The following STIMATE variants were observed in gnomAD, a reference collection of about 807,000 sequenced individuals.
STIMATE encodes STIM activating enhancer.
Under a neutral mutation model 36.7 loss-of-function variants are expected in STIMATE, and 15 were observed. That is an observed-to-expected ratio of 0.41 (90% CI 0.27 to 0.63). The LOEUF (loss-of-function observed/expected upper bound fraction) is 0.63. Among genes scored for constraint, STIMATE ranks in the 20% least tolerant of loss-of-function variants. STIMATE has a pLI of 0.32. For missense variants in STIMATE, 305 were observed against 397.3 expected (o/e 0.77, Z 1.98); for synonymous variants, 163 against 162.3 (o/e 1.00, Z -0.03).
intron 1 of STIMATE, among the ~76,000 whole-genome samples, chr3:52,888,393 G>C (rs1701728170): frequency 6.6e-6 from 1 of 152,180 alleles, no homozygotes; most frequent in African/African-American, 2.4e-5. Flanking sequence ...TGAGTGCAGA[G>C]AGCCCTGCTC....
At position 52,856,361 on chromosome 3, in the gene STIMATE, A is replaced by G. The variant is rs187957552; in HGVS notation, c.161-917T>C. Among the ~76,000 whole-genome samples, 266 of 152,308 alleles carry G rather than the reference A, an allele frequency of 1.7e-3. 2 individuals carry two copies. The highest frequency in any genetic ancestry group is 2.9e-3 in the Non-Finnish European group (194 of 68,032). ...AGGGAAGAGTTCTAAGCAAAGTCAAAGACATGTTGGGACTAAGTTTTAGAA... is the reference window on the plus strand; with the variant it reads ...AGGGAAGAGTTCTAAGCAAAGTCAAGGACATGTTGGGACTAAGTTTTAGAA... On this transcript the variant is annotated intron_variant, in intron 1 of 7. Transcript: ENST00000355083.
chr3:52,866,458 C>T (rs1450422615), intron 1 of STIMATE, among the ~76,000 whole-genome samples: 1 of 152,218 alleles, frequency 6.6e-6, no homozygotes, highest in African/African-American at 2.4e-5. Context: ...CCCTCCTTTT[C>T]CCCATGCTCA....
At chr3:52,860,106 G>A (rs1701192219) in intron 1 of STIMATE, among the ~76,000 whole-genome samples, 1 of 117,966 alleles carries the variant, frequency 8.5e-6, no homozygotes, top group Non-Finnish European at 1.8e-5. Context: ...GCTTCTCCCA[G>A]TCAAATTTGG....
intron 1 of STIMATE, among the ~76,000 whole-genome samples, chr3:52,891,260 C>T (rs555431138): frequency 1.1e-4 from 17 of 152,212 alleles, no homozygotes; most frequent in African/African-American, 3.1e-4. Context: ...CCCAGGGACC[C>T]GGCTTACATT....
rs1337385444 is a variant in STIMATE at position 52,839,775 on chromosome 3, C to G, written c.*719G>C. Reference sequence around the variant, plus strand: ...AACTCCCGATTTTTCCTCCTGCCAGCCCACACCCCATGAAAGGCAAATAAA... The same window carrying G: ...AACTCCCGATTTTTCCTCCTGCCAGGCCACACCCCATGAAAGGCAAATAAA... On this transcript the variant is annotated 3_prime_UTR_variant, in exon 8 of 8. Coordinates refer to ENST00000355083, the MANE Select transcript of STIMATE (RefSeq NM_198563.5). 3 of 152,334 alleles carry G rather than the reference C, an allele frequency of 2.0e-5. No individual in the cohort carries two copies. The highest frequency in any genetic ancestry group is 4.4e-5 in the Non-Finnish European group (3 of 68,038). 9.4% of individuals were successfully genotyped at this position (152,334 alleles called of 1,614,324 possible).
rs990353155 is a variant in STIMATE at position 52,838,607 on chromosome 3, C to T, written c.*1887G>A. The T allele has an allele frequency of 1.7e-4, 26 of 152,174 alleles. No individual in the cohort carries two copies. Among genetic ancestry groups the T allele is most frequent in the African/African-American group, 5.5e-4 (23 of 41,442 alleles). 9.4% of individuals were successfully genotyped at this position (152,174 alleles called of 1,614,324 possible). ...GATGGGAGGGAGCACAAAGTCAATC[C>T]GAGCAGGAATGACACCAGCAAAGTT... On this transcript the variant is annotated 3_prime_UTR_variant, in exon 8 of 8. Transcript: ENST00000355083.
chr3:52,871,878 G>A (rs531269533), intron 1 of STIMATE, among the ~76,000 whole-genome samples: 2 of 152,132 alleles, frequency 1.3e-5, no homozygotes, highest in South Asian at 4.2e-4. Flanking sequence ...TAGAAGAAAC[G>A]GCAGGCTCCT....
chr3:52,885,210 A>G (rs1273975274), intron 1 of STIMATE, among the ~76,000 whole-genome samples: 3 of 152,192 alleles, frequency 2.0e-5, no homozygotes, highest in East Asian at 3.9e-4. Flanking sequence ...GGCCATTTGT[A>G]TATCTTTTCT....
chr3:52,882,972 C>T lies in STIMATE; in HGVS notation c.160+14319G>A, dbSNP rs144245146. ...ATCCCTGCACTGCTTCTCACTGTAG[C>T]GGTGGCAAGTAGTTTTTAACTAAAG... is the stretch of plus-strand genomic sequence containing the variant. On this transcript the variant is annotated intron_variant, in intron 1 of 7. Transcript: ENST00000355083. Among the ~76,000 whole-genome samples, 6 of 152,276 alleles carry T rather than the reference C, an allele frequency of 3.9e-5. No homozygotes were observed. In the East Asian group the frequency reaches 7.7e-4, roughly 20 times the overall value.
At chr3:52,895,104 G>C (rs1393141692) in intron 1 of STIMATE, among the ~76,000 whole-genome samples, 8 of 152,220 alleles carry the variant, frequency 5.3e-5, no homozygotes. Context: ...AAAGCCAAAT[G>C]GCTCGCAGAT....
At chr3:52,840,677 ACCCTGGG>A (rs904339842) in intron 7 of STIMATE, 67 bp from the exon 8 acceptor site, 8 of 1,389,892 alleles carry the variant, frequency 5.8e-6, no homozygotes, top group African/African-American at 1.5e-5. Context: ...CCCTCCCTGG[ACCCTGGG>A]CCCTTCAAGT....
At chr3:52,864,630 A>G (rs1286649744) in intron 1 of STIMATE, among the ~76,000 whole-genome samples, 1 of 152,072 alleles carries the variant, frequency 6.6e-6, no homozygotes, top group Non-Finnish European at 1.5e-5. Context: ...CAGGCTGCAA[A>G]TTTTCCAAAC....
intron 4 of STIMATE, among the ~76,000 whole-genome samples, chr3:52,845,702 G>A (rs968722817): frequency 6.6e-6 from 1 of 152,168 alleles, no homozygotes; most frequent in Admixed American, 6.5e-5. Context: ...TGCAGGCCTT[G>A]GAATGCCTCC....
chr3:52,843,841 G>C, intron 5 of STIMATE, 43 bp from the exon 6 acceptor site: 1 of 1,595,754 alleles, frequency 6.3e-7, no homozygotes, highest in Non-Finnish European at 8.6e-7. Context: ...AGAGGCCACC[G>C]AGAGTGTGCC....
At chr3:52,865,845 T>C (rs1352811622) in intron 1 of STIMATE, among the ~76,000 whole-genome samples, 1 of 152,160 alleles carries the variant, frequency 6.6e-6, no homozygotes, top group African/African-American at 2.4e-5. Context: ...ACATATCCTT[T>C]CAAAGACATG....
chr3:52,842,888 C>G lies in STIMATE; in HGVS notation c.691G>C (p.Gly231Arg). ...CCATTCCTCGAGTCCTGGTTGGCTC[C>G]CCTTTCTTCTAGCTTAGCTTTCGTC... Reference protein sequence around the residue: ...GKTKAKLEERGANQDSRNGSK... With the variant: ...GKTKAKLEERRANQDSRNGSK... Residue 231 changes from glycine (G) to arginine (R), a missense_variant, in exon 7 of 8, where the codon GGA (glycine) becomes CGA (arginine). By Grantham distance (125) the Gly-to-Arg change is moderately radical (BLOSUM62 -2). Transcript: ENST00000355083. 6.2e-7 allele frequency: 1 copy of G among 1,614,220 alleles called. No homozygotes were observed.
intron 1 of STIMATE, chr3:52,895,923 A>G (rs1176103766): frequency 2.3e-6 from 3 of 1,289,752 alleles, no homozygotes; most frequent in East Asian, 5.5e-5. Flanking sequence ...CCAAGTCAGC[A>G]GCGGATTTTG....
rs1273568686 is a variant in STIMATE at position 52,886,694 on chromosome 3, T to C, written c.160+10597A>G. Among the ~76,000 whole-genome samples, 3 of 152,170 alleles carry C rather than the reference T, an allele frequency of 2.0e-5. No homozygotes were observed. In the East Asian group the frequency reaches 5.8e-4, roughly 29 times the overall value. ...CTTATATTTACATTGTTTCAAAATA[T>C]CTCCCTGTAAATCAGTTATTAATTA... is the stretch of plus-strand genomic sequence containing the variant. On this transcript the variant is annotated intron_variant, in intron 1 of 7. Coordinates refer to ENST00000355083, the MANE Select transcript of STIMATE (RefSeq NM_198563.5).
intron 6 of STIMATE, chr3:52,843,312 C>G (rs1365440703): frequency 2.5e-6 from 1 of 400,760 alleles, no homozygotes; most frequent in Non-Finnish European, 4.6e-6. Context: ...CTGCTGTCAT[C>G]TGTTTGTCCC....
Sources: gnomAD v4.1 joint callset for allele counts (sites outside exome capture counted in the v4.1 genomes callset) on GRCh38, gnomAD v4.1.1 for gene constraint, MANE v1.5 for transcripts, NCBI Gene and HGNC (gene_info 2026-07-23, HGNC 2026-07-21) for gene names.